SEMA6D: variants seen among roughly 807,000 people sequenced by gnomAD.
SEMA6D encodes the protein semaphorin-6D.
In SEMA6D, 35 loss-of-function variants were observed where a neutral mutation model predicts 106.6. The observed-to-expected ratio is 0.33, with a 90% CI of 0.25 to 0.44. SEMA6D has a LOEUF of 0.44. Ranked by LOEUF, SEMA6D falls within the 20% of genes least tolerant of loss-of-function variation. The pLI, the probability that SEMA6D is intolerant of heterozygous loss-of-function variation, is 1.00. For synonymous variants in SEMA6D, 499 were observed against 487.7 expected (o/e 1.02, Z -0.31); for missense variants, 1,185 against 1,345.9 (o/e 0.88, Z 1.87).
intron 3 of SEMA6D, among the ~76,000 whole-genome samples, chr15:47,584,199 G>A (rs910480406): frequency 2.6e-5 from 4 of 152,306 alleles, no homozygotes; most frequent in Admixed American, 2.0e-4. Flanking sequence ...AGGGCAGATG[G>A]ATCACCTGAG....
intron 3 of SEMA6D, among the ~76,000 whole-genome samples, chr15:47,508,250 A>G (rs148174447): frequency 2.6e-5 from 4 of 152,352 alleles, no homozygotes; most frequent in Non-Finnish European, 5.9e-5. Context: ...TTGAAAGAAG[A>G]ATTCAGATGA....
chr15:47,456,609 C>T (rs969977691), intron 2 of SEMA6D, among the ~76,000 whole-genome samples: 1 of 151,982 alleles, frequency 6.6e-6, no homozygotes, highest in Non-Finnish European at 1.5e-5. Context: ...TACATTTGTG[C>T]ACTCACCTTA....
intron 2 of SEMA6D, among the ~76,000 whole-genome samples, chr15:47,449,210 T>C (rs986990116): frequency 8.5e-5 from 13 of 152,098 alleles, no homozygotes; most frequent in Non-Finnish European, 1.9e-4. Context: ...TTTATTGAAA[T>C]ATAAGACATG....
At chr15:47,647,529 C>T (rs933458863) in intron 4 of SEMA6D, among the ~76,000 whole-genome samples, 2 of 152,048 alleles carry the variant, frequency 1.3e-5, no homozygotes, top group Admixed American at 6.5e-5. Flanking sequence ...ACTTAACAGA[C>T]GTATTGATAT....
chr15:47,215,715 T>A (rs1315844955), intron 1 of SEMA6D, among the ~76,000 whole-genome samples: 1 of 152,146 alleles, frequency 6.6e-6, no homozygotes, highest in Non-Finnish European at 1.5e-5. Context: ...AGCTACGGCT[T>A]CTACTTTTGG....
At chr15:47,369,199 G>A (rs758197371) in intron 1 of SEMA6D, among the ~76,000 whole-genome samples, 2 of 152,168 alleles carry the variant, frequency 1.3e-5, no homozygotes, top group Non-Finnish European at 2.9e-5. Context: ...ACATGGGACT[G>A]TTCTGTTTGT....
chr15:47,637,136 A>G (rs1379684501), intron 4 of SEMA6D, among the ~76,000 whole-genome samples: 3 of 152,186 alleles, frequency 2.0e-5, no homozygotes, highest in Non-Finnish European at 4.4e-5. Flanking sequence ...TCTCAGCAAA[A>G]TAAAATGTCT....
At chr15:47,271,426 G>A (rs988586078) in intron 1 of SEMA6D, among the ~76,000 whole-genome samples, 3 of 152,184 alleles carry the variant, frequency 2.0e-5, no homozygotes, top group Non-Finnish European at 4.4e-5. Flanking sequence ...ATAAAAGTGT[G>A]TGTGTGTGTT....
At chr15:47,683,680 A>G (rs1648779579) in intron 4 of SEMA6D, among the ~76,000 whole-genome samples, 1 of 152,192 alleles carries the variant, frequency 6.6e-6, no homozygotes. Context: ...CCCTGTTTTC[A>G]CAAGCAGACA....
chr15:47,683,036 A>G (rs2078391723), intron 4 of SEMA6D, among the ~76,000 whole-genome samples: 1 of 152,244 alleles, frequency 6.6e-6, no homozygotes, highest in Non-Finnish European at 1.5e-5. Context: ...GACCATGAGT[A>G]GAAATGATTA....
At chr15:47,370,661 A>G (rs1023657690) in intron 1 of SEMA6D, among the ~76,000 whole-genome samples, 4 of 147,728 alleles carry the variant, frequency 2.7e-5, no homozygotes, top group African/African-American at 1.0e-4. Flanking sequence ...TCTGTCCAAC[A>G]TGGTAAAGCG....
intron 3 of SEMA6D, among the ~76,000 whole-genome samples, chr15:47,496,148 G>A (rs1194761849): frequency 6.6e-6 from 1 of 151,966 alleles, no homozygotes; most frequent in Non-Finnish European, 1.5e-5. Context: ...ATGGAACACT[G>A]GAGCTAATTT....
At chr15:47,614,486 C>T (rs552885574) in intron 4 of SEMA6D, among the ~76,000 whole-genome samples, 3 of 152,180 alleles carry the variant, frequency 2.0e-5, no homozygotes, top group African/African-American at 7.2e-5. Flanking sequence ...TTCTTGTTCC[C>T]CTCTGAAAGA....
At chr15:47,189,652 C>T (rs1421523503) in intron 1 of SEMA6D, among the ~76,000 whole-genome samples, 1 of 152,172 alleles carries the variant, frequency 6.6e-6, no homozygotes, top group African/African-American at 2.4e-5. Flanking sequence ...TTTTCTATCA[C>T]CCACATAGAC....
intron 1 of SEMA6D, among the ~76,000 whole-genome samples, chr15:47,342,629 C>A (rs1319532664): frequency 6.6e-6 from 1 of 152,188 alleles, no homozygotes; most frequent in Non-Finnish European, 1.5e-5. Context: ...TTATGAGCAA[C>A]AGTTATCTTA....
chr15:47,337,306 A>G (rs1237233862), intron 1 of SEMA6D, among the ~76,000 whole-genome samples: 1 of 152,184 alleles, frequency 6.6e-6, no homozygotes, highest in African/African-American at 2.4e-5. Flanking sequence ...CAAAATGCCA[A>G]TAAAAACGGT....
chr15:47,341,195 G>C (rs1052856234), intron 1 of SEMA6D, among the ~76,000 whole-genome samples: 1 of 152,050 alleles, frequency 6.6e-6, no homozygotes, highest in African/African-American at 2.4e-5. Context: ...TTTGAGACCA[G>C]CCTGGCCAAC....
chr15:47,759,696 C>G, intron 1 of SEMA6D, 49 bp from the exon 2 acceptor site: 1 of 821,090 alleles, frequency 1.2e-6, no homozygotes, highest in South Asian at 1.4e-5. Flanking sequence ...AACAAGAAAA[C>G]CGCTTCATTG....
intron 4 of SEMA6D, among the ~76,000 whole-genome samples, chr15:47,637,742 A>C (rs1002830207): frequency 6.6e-6 from 1 of 152,214 alleles, no homozygotes; most frequent in African/African-American, 2.4e-5. Context: ...TGGCCTAATA[A>C]AAGTGGCCTC....
Sources: allele counts gnomAD v4.1 joint callset (sites outside exome capture counted in the v4.1 genomes callset), GRCh38; gene constraint gnomAD v4.1.1; transcripts MANE v1.5; gene names NCBI Gene and HGNC (gene_info 2026-07-23, HGNC 2026-07-21).